TEX14: variants seen among roughly 807,000 people sequenced by gnomAD.
TEX14 encodes inactive serine/threonine-protein kinase TEX14.
TEX14 carries 168 observed loss-of-function variants against 178.6 expected under a neutral mutation model. The ratio of observed to expected loss-of-function variants is 0.94; its 90% CI spans 0.83 to 1.07. The LOEUF (loss-of-function observed/expected upper bound fraction) is 1.07. Among genes scored for constraint, TEX14 ranks in the 50% least tolerant of loss-of-function variants. TEX14 has a pLI of 0.00. For missense variants in TEX14, 1,730 were observed against 1,753.6 expected (o/e 0.99, Z 0.24); for synonymous variants, 626 against 634.1 (o/e 0.99, Z 0.19).
Position 58,611,188 on chromosome 17 carries a change from A to C in TEX14, c.1157T>G (p.Leu386Arg). 6.2e-7 allele frequency: 1 copy of C among 1,614,018 alleles called. No homozygotes were observed. The highest frequency in any genetic ancestry group is 1.1e-5 in the South Asian group (1 of 91,066). Residue 386 changes from leucine (L) to arginine (R), a missense_variant, in exon 10 of 32, where the codon CTG becomes CGG. Physicochemically the swap from Leu to Arg is moderately radical, Grantham distance 102. This residue lies in a region of TEX14 where 789 missense variants were observed against 681.2 expected (regional missense o/e 1.16). Transcript: ENST00000349033. The stretch of plus-strand genomic sequence containing the variant: ...TTCCAACATGTACTCCAGGTTGGTC[A>C]GCCTCGCTTCACCTGGGGAGATGAT... ...VHIISPGEAR[L>R]TNLEYMLESE... is the part of the protein sequence containing the mutation.
At position 58,564,992 on chromosome 17, in the gene TEX14, C is replaced by A. The variant is rs758375159; in HGVS notation, c.3965-24G>T. 1.5e-5 allele frequency: 22 copies of A among 1,468,748 alleles called. No homozygotes were observed. In the South Asian group the frequency reaches 1.9e-4, roughly 13 times the overall value. The allele number at this position is 1,468,748 out of a possible 1,614,324, so 91.0% of individuals were successfully genotyped here. A position where few individuals can be genotyped will look rare whatever the true frequency, so the allele number is the denominator to read the frequency against. On this transcript the variant is annotated intron_variant, in intron 27 of 31. Coordinates refer to ENST00000349033, the MANE Select transcript of TEX14 (RefSeq NM_031272.5). ...ATCTAAAAACAGTTGAAAGAATTAA[C>A]TTTATTAGAACGAAAAAAAAATTGA...
intron 2 of TEX14, among the ~76,000 whole-genome samples, chr17:58,644,190 A>T (rs2046642819): frequency 6.6e-6 from 1 of 152,158 alleles, no homozygotes; most frequent in Non-Finnish European, 1.5e-5. Flanking sequence ...AGACCTCCAT[A>T]AAAATCCATA....
At chr17:58,661,388 T>G in intron 1 of TEX14, 1 of 894,174 alleles carries the variant, frequency 1.1e-6, no homozygotes, top group Non-Finnish European at 1.9e-6. Flanking sequence ...AGTAATCTCC[T>G]CCAAATCTTC....
intron 1 of TEX14, among the ~76,000 whole-genome samples, chr17:58,673,484 A>AAAATAAAT (rs76433652): frequency 0.21 from 30,436 of 143,248 alleles, 3,445 homozygotes; most frequent in African/African-American, 0.25. Context: ...CTCCATCTCA[A>AAAATAAAT]AAATAAATAA....
At chr17:58,607,374 T>C (rs1228013664) in intron 10 of TEX14, among the ~76,000 whole-genome samples, 3 of 152,164 alleles carry the variant, frequency 2.0e-5, no homozygotes, top group Non-Finnish European at 4.4e-5. Context: ...ACTCCATGCA[T>C]TTCACTTTAT....
intron 1 of TEX14, chr17:58,661,592 G>C (rs2047112847): frequency 6.9e-6 from 5 of 723,918 alleles, no homozygotes; most frequent in Non-Finnish European, 1.3e-5. Flanking sequence ...GTCTTCAGCA[G>C]CTGCCATCTT....
intron 21 of TEX14, among the ~76,000 whole-genome samples, chr17:58,574,455 G>A (rs1291884848): frequency 1.3e-5 from 2 of 151,838 alleles, no homozygotes; most frequent in Non-Finnish European, 2.9e-5. Flanking sequence ...AAGCGGGTGG[G>A]TCACGAGGTC....
chr17:58,632,633 C>A (rs1295399414), intron 2 of TEX14, among the ~76,000 whole-genome samples: 2 of 152,196 alleles, frequency 1.3e-5, no homozygotes, highest in Non-Finnish European at 2.9e-5. Context: ...CATAATAAAT[C>A]TAAGTACTGG....
chr17:58,628,950 C>T (rs2046216303), intron 3 of TEX14, among the ~76,000 whole-genome samples: 1 of 151,900 alleles, frequency 6.6e-6, no homozygotes, highest in Non-Finnish European at 1.5e-5. Context: ...TTAAACAGAG[C>T]CTCCTTAAGT....
intron 1 of TEX14, among the ~76,000 whole-genome samples, chr17:58,674,081 C>T (rs910998235): frequency 6.6e-6 from 1 of 152,104 alleles, no homozygotes; most frequent in African/African-American, 2.4e-5. Context: ...CAAGACCAGT[C>T]TGGCCAACAT....
intron 10 of TEX14, 115 bp downstream of exon 10, chr17:58,611,046 G>C (rs1452769382): frequency 1.4e-6 from 1 of 739,038 alleles, no homozygotes; most frequent in East Asian, 2.5e-5. Context: ...AGCAACTGAT[G>C]AACAGGTTCA....
rs1179325289 is a variant in TEX14, at chr17:58,556,949, A to G, written c.*62T>C. The G allele has an allele frequency of 5.2e-6, 7 of 1,340,324 alleles. No individual in the cohort carries two copies. The East Asian group carries it at 1.6e-4, about 31-fold the overall frequency. The allele number at this position is 1,340,324 out of a possible 1,614,324, so 83.0% of individuals were successfully genotyped here. A position where few individuals can be genotyped will look rare whatever the true frequency, so the allele number is the denominator to read the frequency against. On this transcript the variant is annotated 3_prime_UTR_variant, in exon 32 of 32. Coordinates refer to ENST00000349033, the MANE Select transcript of TEX14 (RefSeq NM_031272.5). Reference sequence around the variant, plus strand: ...CAGCAACTGAAGCAGAAAGAGAAGAAAGGAGCTTACAACCAGGACACTCAA... The same window carrying G: ...CAGCAACTGAAGCAGAAAGAGAAGAGAGGAGCTTACAACCAGGACACTCAA...
intron 1 of TEX14, among the ~76,000 whole-genome samples, chr17:58,672,346 G>A (rs577377497): frequency 8.5e-5 from 13 of 152,244 alleles, no homozygotes; most frequent in African/African-American, 3.1e-4. Flanking sequence ...CCCCAGCACT[G>A]CTGGAGAAAA....
chr17:58,667,013 A>G (rs2047225420), intron 1 of TEX14, among the ~76,000 whole-genome samples: 1 of 152,208 alleles, frequency 6.6e-6, no homozygotes, highest in Non-Finnish European at 1.5e-5. Context: ...GCTCGCGTCA[A>G]TGCAAGTGAC....
In TEX14 at chr17:58,585,919, A is replaced by T; in HGVS notation, c.2952T>A (p.Val984=). 1 of 1,613,918 alleles carries T rather than the reference A, an allele frequency of 6.2e-7. No individual in the cohort carries two copies. The highest frequency in any genetic ancestry group is 8.5e-7 in the Non-Finnish European group (1 of 1,179,986). Residue 984 remains valine, a synonymous_variant, in exon 18 of 32, where the codon GTT becomes GTA. Coordinates refer to ENST00000349033, the MANE Select transcript of TEX14 (RefSeq NM_031272.5). Reference sequence around the variant, plus strand: ...CATCATTTTCCCTATGATACTCAATAACTCGCTGCCAATCCGTGTTTTCTG... The same window carrying T: ...CATCATTTTCCCTATGATACTCAATTACTCGCTGCCAATCCGTGTTTTCTG... ...RSPENTDWQR[V]IEYHRENDEP...
chr17:58,566,673 C>T (rs1815619928), intron 26 of TEX14, among the ~76,000 whole-genome samples: 1 of 151,750 alleles, frequency 6.6e-6, no homozygotes, highest in Admixed American at 6.6e-5. Context: ...GTGGCACACA[C>T]CTGTAATCCC....
At chr17:58,688,506 C>T (rs760058994) in intron 1 of TEX14, among the ~76,000 whole-genome samples, 6 of 152,106 alleles carry the variant, frequency 3.9e-5, no homozygotes, top group Non-Finnish European at 5.9e-5. Context: ...ACTGAATATG[C>T]GCATTAGAAT....
At chr17:58,679,298 G>A (rs954195837) in intron 1 of TEX14, among the ~76,000 whole-genome samples, 2 of 152,188 alleles carry the variant, frequency 1.3e-5, no homozygotes, top group African/African-American at 4.8e-5. Flanking sequence ...CTCCCTTAGA[G>A]CCGCCAAAGG....
intron 1 of TEX14, among the ~76,000 whole-genome samples, chr17:58,686,116 C>T (rs543109321): frequency 6.6e-6 from 1 of 151,752 alleles, no homozygotes; most frequent in Non-Finnish European, 1.5e-5. Context: ...TTTGGGAGGC[C>T]GAGGAGTCCT....
Sources: gnomAD v4.1 joint callset for allele counts (sites outside exome capture counted in the v4.1 genomes callset) on GRCh38, gnomAD v4.1.1 for gene constraint, gnomAD v4.1.1 regional missense constraint, MANE v1.5 for transcripts, NCBI Gene and HGNC (gene_info 2026-07-23, HGNC 2026-07-21) for gene names.